LUZP2: variants seen among roughly 807,000 people sequenced by gnomAD.
LUZP2 encodes the protein leucine zipper protein 2.
Under a neutral mutation model 51.6 loss-of-function variants are expected in LUZP2, and 52 were observed. The ratio of observed to expected loss-of-function variants is 1.01; its 90% CI spans 0.81 to 1.27. The LOEUF is 1.27. Among genes scored for constraint, LUZP2 ranks in the 50% most tolerant of loss-of-function variants. The pLI is 0.00. For synonymous variants in LUZP2, 154 were observed against 137.3 expected, an observed-to-expected ratio of 1.12 and a Z score of -0.85; for missense variants, 436 against 395.4, an observed-to-expected ratio of 1.10 and a Z score of -0.87.
chr11:24,954,279 C>G (rs910164718), intron 7 of LUZP2, among the ~76,000 whole-genome samples: 2 of 152,084 alleles, frequency 1.3e-5, no homozygotes, highest in Admixed American at 6.6e-5. Flanking sequence ...ACCTCCCTAT[C>G]TCGCAGGAGG....
At chr11:24,731,196 T>TA (rs1052359360) in intron 2 of LUZP2, among the ~76,000 whole-genome samples, 2 of 151,726 alleles carry the variant, frequency 1.3e-5, no homozygotes, top group African/African-American at 4.8e-5. Flanking sequence ...AACATTAGAT[T>TA]AAAAAATGTA....
intron 5 of LUZP2, among the ~76,000 whole-genome samples, chr11:24,898,851 G>A (rs968916019): frequency 6.6e-6 from 1 of 151,996 alleles, no homozygotes; most frequent in Non-Finnish European, 1.5e-5. Context: ...GCAAATGAAG[G>A]CAGAATAGTA....
At chr11:24,731,910 A>G (rs560446871) in intron 2 of LUZP2, among the ~76,000 whole-genome samples, 2 of 151,874 alleles carry the variant, frequency 1.3e-5, no homozygotes, top group Admixed American at 6.6e-5. Context: ...CTGAAAGCCA[A>G]GACTGCTCAA....
At chr11:24,904,796 A>G (rs995278907) in intron 5 of LUZP2, among the ~76,000 whole-genome samples, 5 of 152,116 alleles carry the variant, frequency 3.3e-5, no homozygotes, top group African/African-American at 1.2e-4. Flanking sequence ...AATAAACTAA[A>G]TTATCTAATT....
chr11:24,872,129 C>T (rs1387088046), intron 5 of LUZP2, among the ~76,000 whole-genome samples: 3 of 152,108 alleles, frequency 2.0e-5, no homozygotes, highest in African/African-American at 7.2e-5. Flanking sequence ...ATGTGTCAGA[C>T]ACCATCCTTC....
chr11:24,805,828 A>C (rs999808666), intron 5 of LUZP2, among the ~76,000 whole-genome samples: 5 of 152,320 alleles, frequency 3.3e-5, no homozygotes, highest in African/African-American at 1.2e-4. Flanking sequence ...AAGGGAAGGC[A>C]GCCAGTTGAG....
At chr11:25,002,349 A>G (rs988067105) in intron 9 of LUZP2, among the ~76,000 whole-genome samples, 1 of 152,196 alleles carries the variant, frequency 6.6e-6, no homozygotes, top group African/African-American at 2.4e-5. Context: ...CGGGCAGCAT[A>G]AGTCTGGACT....
intron 10 of LUZP2, among the ~76,000 whole-genome samples, chr11:25,072,203 C>G (rs1282856171): frequency 1.3e-5 from 2 of 152,074 alleles, no homozygotes; most frequent in Non-Finnish European, 2.9e-5. Context: ...CTGGATGTGA[C>G]CTGCAGGCAC....
chr11:24,961,286 A>G (rs890386134), intron 7 of LUZP2, among the ~76,000 whole-genome samples: 3 of 152,122 alleles, frequency 2.0e-5, no homozygotes, highest in African/African-American at 7.2e-5. Flanking sequence ...AGCTGAGTTC[A>G]ATTCCTCGGT....
intron 9 of LUZP2, among the ~76,000 whole-genome samples, chr11:25,002,626 C>A (rs1375692027): frequency 6.6e-6 from 1 of 152,170 alleles, no homozygotes; most frequent in Non-Finnish European, 1.5e-5. Flanking sequence ...CAACTACCTG[C>A]AAACAGTGAG....
At chr11:24,773,984 A>G (rs1301641316) in intron 5 of LUZP2, among the ~76,000 whole-genome samples, 1 of 151,990 alleles carries the variant, frequency 6.6e-6, no homozygotes. Flanking sequence ...GATTGGATTG[A>G]AGGATACAAA....
chr11:24,952,741 T>A (rs1043369652), intron 7 of LUZP2, among the ~76,000 whole-genome samples: 1 of 152,012 alleles, frequency 6.6e-6, no homozygotes, highest in Non-Finnish European at 1.5e-5. Flanking sequence ...ATAATACTTT[T>A]TGTTCTACTG....
At chr11:24,768,186 C>G (rs188030858) in intron 5 of LUZP2, among the ~76,000 whole-genome samples, 2 of 151,922 alleles carry the variant, frequency 1.3e-5, no homozygotes, top group African/African-American at 4.8e-5. Context: ...CTGGCTGGAG[C>G]GCAGTGGTGC....
At chr11:25,020,050 G>A (rs1042235992) in intron 9 of LUZP2, among the ~76,000 whole-genome samples, 1 of 152,014 alleles carries the variant, frequency 6.6e-6, no homozygotes, top group Non-Finnish European at 1.5e-5. Context: ...TCTGTGTACT[G>A]CAGCAAACAC....
At chr11:25,057,717 A>G (rs893823464) in intron 10 of LUZP2, among the ~76,000 whole-genome samples, 2 of 152,094 alleles carry the variant, frequency 1.3e-5, no homozygotes, top group African/African-American at 4.8e-5. Flanking sequence ...TGCTGAGGAA[A>G]TGAAAAACAA....
At chr11:24,706,163 A>G (rs1857575178) in intron 1 of LUZP2, among the ~76,000 whole-genome samples, 1 of 152,180 alleles carries the variant, frequency 6.6e-6, no homozygotes, top group South Asian at 2.1e-4. Flanking sequence ...TGATGCCTCC[A>G]TTTTATAATA....
intron 7 of LUZP2, among the ~76,000 whole-genome samples, chr11:24,931,946 G>T (rs1035962087): frequency 5.3e-5 from 8 of 152,146 alleles, no homozygotes; most frequent in Admixed American, 5.2e-4. Context: ...ATCCCATGGG[G>T]TTCTCCATTA....
chr11:25,024,820 A>C (rs1036945105), intron 9 of LUZP2, among the ~76,000 whole-genome samples: 83 of 147,958 alleles, frequency 5.6e-4, no homozygotes, highest in African/African-American at 1.9e-3. Context: ...GGAACCAAAA[A>C]AGAGCCCGCA....
In LUZP2 at chr11:25,078,039, C is replaced by T. The variant is rs762871554; in HGVS notation, c.937-515C>T. Among the ~76,000 whole-genome samples the T allele has an allele frequency of 1.7e-3, 264 of 152,246 alleles. 1 individual carries two copies. The highest frequency in any genetic ancestry group is 3.1e-3 in the Non-Finnish European group (214 of 68,032). Reference sequence around the variant, plus strand: ...ACAAAAATAAACAGGGATGATCACACAGGCATATATTTCTTTTTGTACAAA... The same window carrying T: ...ACAAAAATAAACAGGGATGATCACATAGGCATATATTTCTTTTTGTACAAA... On this transcript the variant is annotated intron_variant, in intron 11 of 11. Transcript: ENST00000336930.
Sources: gnomAD v4.1 joint callset for allele counts (sites outside exome capture counted in the v4.1 genomes callset) on GRCh38, gnomAD v4.1.1 for gene constraint, MANE v1.5 for transcripts, NCBI Gene and HGNC (gene_info 2026-07-23, HGNC 2026-07-21) for gene names.